The following SYT14 variants were observed in gnomAD, a reference collection of about 807,000 sequenced individuals.
SYT14 encodes the protein synaptotagmin 14.
Under a neutral mutation model 74.2 loss-of-function variants are expected in SYT14, and 32 were observed. The ratio of observed to expected loss-of-function variants is 0.43; its 90% CI spans 0.33 to 0.58. The LOEUF (loss-of-function observed/expected upper bound fraction) is 0.58. Among genes scored for constraint, SYT14 ranks in the 20% least tolerant of loss-of-function variants. SYT14 has a pLI of 0.05. For synonymous variants in SYT14, 298 were observed against 337.7 expected (o/e 0.88, Z 1.29); for missense variants, 791 against 981.8 (o/e 0.81, Z 2.60).
At chr1:209,987,564 C>A (rs975065271) in intron 2 of SYT14, among the ~76,000 whole-genome samples, 2 of 152,178 alleles carry the variant, frequency 1.3e-5, no homozygotes, top group Non-Finnish European at 2.9e-5. Context: ...AAAGGATCTT[C>A]CCCCATGATC....
At chr1:210,082,448 T>G (rs989313969) in intron 5 of SYT14, among the ~76,000 whole-genome samples, 15 of 152,096 alleles carry the variant, frequency 9.9e-5, no homozygotes, top group Non-Finnish European at 2.9e-5. Flanking sequence ...ACCAGAACAT[T>G]TCGCTTCTGT....
At chr1:210,053,182 C>T (rs749020753) in intron 5 of SYT14, among the ~76,000 whole-genome samples, 5 of 152,068 alleles carry the variant, frequency 3.3e-5, no homozygotes, top group Non-Finnish European at 7.4e-5. Flanking sequence ...AGTAGAATCT[C>T]CTTTGGTTTT....
chr1:210,019,475 G>T (rs952046278), intron 4 of SYT14, among the ~76,000 whole-genome samples: 1 of 152,128 alleles, frequency 6.6e-6, no homozygotes, highest in African/African-American at 2.4e-5. Flanking sequence ...ATAGCATGGG[G>T]AACTGGGTTT....
intron 2 of SYT14, among the ~76,000 whole-genome samples, chr1:209,994,748 A>G (rs1219515037): frequency 6.6e-6 from 1 of 152,214 alleles, no homozygotes; most frequent in Non-Finnish European, 1.5e-5. Context: ...AAGAAGGGTC[A>G]AGTCACATAC....
At chr1:210,068,320 T>C (rs2081333356) in intron 5 of SYT14, among the ~76,000 whole-genome samples, 1 of 151,836 alleles carries the variant, frequency 6.6e-6, no homozygotes, top group Non-Finnish European at 1.5e-5. Context: ...ACCTCTTGTG[T>C]TCCCTTTATA....
chr1:210,007,832 T>C (rs1220133039), intron 2 of SYT14, among the ~76,000 whole-genome samples: 1 of 152,184 alleles, frequency 6.6e-6, no homozygotes, highest in African/African-American at 2.4e-5. Context: ...ACAACTTAAT[T>C]ATTCTCTGGA....
intron 5 of SYT14, among the ~76,000 whole-genome samples, chr1:210,061,734 G>A (rs970705722): frequency 1.3e-5 from 2 of 151,832 alleles, no homozygotes; most frequent in African/African-American, 2.4e-5. Flanking sequence ...TACAAAAATA[G>A]TAATCTGAAT....
At chr1:210,059,925 G>A (rs1305438465) in intron 5 of SYT14, among the ~76,000 whole-genome samples, 1 of 152,096 alleles carries the variant, frequency 6.6e-6, no homozygotes, top group African/African-American at 2.4e-5. Context: ...TACAGTGGGT[G>A]GAGAATGAGG....
At chr1:210,143,753 T>C (rs2082970403) in intron 7 of SYT14, among the ~76,000 whole-genome samples, 1 of 152,144 alleles carries the variant, frequency 6.6e-6, no homozygotes, top group Admixed American at 6.5e-5. Flanking sequence ...TCATGGCTTT[T>C]CAAGCTTTTC....
At chr1:209,980,152 T>C (rs1239921962) in intron 2 of SYT14, among the ~76,000 whole-genome samples, 2 of 152,230 alleles carry the variant, frequency 1.3e-5, no homozygotes, top group African/African-American at 4.8e-5. Context: ...ATAGCTGTTC[T>C]TACTGGTGTA....
At chr1:210,062,149 ACTGT>A (rs1163976553) in intron 5 of SYT14, among the ~76,000 whole-genome samples, 1 of 151,802 alleles carries the variant, frequency 6.6e-6, no homozygotes. Context: ...ATTATGCATG[ACTGT>A]CTGGTGTGCA....
intron 8 of SYT14, chr1:210,156,978 G>A (rs2083282928): frequency 8.8e-6 from 2 of 226,274 alleles, no homozygotes; most frequent in Non-Finnish European, 2.0e-5. Context: ...ACAGGCGTGA[G>A]CCACTGCGCC....
chr1:210,065,843 A>G (rs1431704238), intron 5 of SYT14, among the ~76,000 whole-genome samples: 1 of 151,706 alleles, frequency 6.6e-6, no homozygotes, highest in African/African-American at 2.4e-5. Flanking sequence ...GTCATTTAGC[A>G]TTAGGTATAT....
At chr1:210,159,425 A>G (rs1178792812) in exon 9 of SYT14, 1 of 1,551,272 alleles carries the variant, frequency 6.4e-7, no homozygotes, top group Admixed American at 2.0e-5. Context: ...TGTCAGATGG[A>G]CTGTTCTGTT....
At chr1:210,119,881 A>G (rs1358112489) in intron 7 of SYT14, among the ~76,000 whole-genome samples, 3 of 152,228 alleles carry the variant, frequency 2.0e-5, no homozygotes, top group Admixed American at 6.5e-5. Context: ...TGAAGATTAA[A>G]TGAGGTAAAG....
intron 5 of SYT14, among the ~76,000 whole-genome samples, chr1:210,091,990 C>T (rs565340027): frequency 7.0e-4 from 107 of 152,244 alleles, no homozygotes; most frequent in Admixed American, 1.9e-3. Context: ...AAACCACTTA[C>T]GTTGGAAAAT....
intron 5 of SYT14, among the ~76,000 whole-genome samples, chr1:210,091,712 A>G (rs949476629): frequency 6.6e-6 from 1 of 152,150 alleles, no homozygotes; most frequent in Non-Finnish European, 1.5e-5. Flanking sequence ...TCCCTCCTGG[A>G]TCCTACATTG....
At chr1:210,105,265 G>A (rs912576202) in intron 7 of SYT14, among the ~76,000 whole-genome samples, 28 of 152,112 alleles carry the variant, frequency 1.8e-4, no homozygotes, top group African/African-American at 6.8e-4. Context: ...AGTCAACTCC[G>A]GCATGTAGCC....
At chr1:210,068,287 A>G (rs1334512682) in intron 5 of SYT14, among the ~76,000 whole-genome samples, 1 of 151,760 alleles carries the variant, frequency 6.6e-6, no homozygotes, top group Non-Finnish European at 1.5e-5. Flanking sequence ...ATAAAACCCA[A>G]TTTGTCATGC....
Sources: gnomAD v4.1 joint callset for allele counts (sites outside exome capture counted in the v4.1 genomes callset) on GRCh38, gnomAD v4.1.1 for gene constraint, MANE v1.5 for transcripts, NCBI Gene and HGNC (gene_info 2026-07-23, HGNC 2026-07-21) for gene names.